Variants in NCOA3 observed in about 807,000 individuals in gnomAD.
NCOA3 encodes the protein CBP-interacting protein.
Under a neutral mutation model 158.8 loss-of-function variants are expected in NCOA3, and 51 were observed. The ratio of observed to expected loss-of-function variants is 0.32; its 90% CI spans 0.26 to 0.41. NCOA3 has a LOEUF of 0.41. NCOA3 is among the 10% of genes least tolerant of loss of function. The pLI, the probability that NCOA3 is intolerant of heterozygous loss-of-function variation, is 1.00. For synonymous variants in NCOA3, 537 were observed against 592.4 expected, an observed-to-expected ratio of 0.91 and a Z score of 1.36; for missense variants, 1,510 against 1,746.6, an observed-to-expected ratio of 0.86 and a Z score of 2.41.
chr20:47,544,577 T>A (rs1268639148), intron 1 of NCOA3, among the ~76,000 whole-genome samples: 1 of 152,088 alleles, frequency 6.6e-6, no homozygotes, highest in Non-Finnish European at 1.5e-5. Flanking sequence ...GCCCCCCCAA[T>A]TTTTTGGTTA....
At chr20:47,646,529 A>C (rs1464630344) in intron 17 of NCOA3, among the ~76,000 whole-genome samples, 1 of 152,220 alleles carries the variant, frequency 6.6e-6, no homozygotes, top group East Asian at 1.9e-4. Context: ...CATAAACAAA[A>C]CCAAAAGTTC....
intron 1 of NCOA3, among the ~76,000 whole-genome samples, chr20:47,530,399 T>G (rs2084525367): frequency 6.6e-6 from 1 of 152,088 alleles, no homozygotes; most frequent in East Asian, 1.9e-4. Flanking sequence ...TGAGACAAAG[T>G]TTTAAAAAGA....
At chr20:47,647,674 G>A (rs939348492) in intron 18 of NCOA3, among the ~76,000 whole-genome samples, 20 of 152,068 alleles carry the variant, frequency 1.3e-4, no homozygotes, top group African/African-American at 3.9e-4. Context: ...AATCCTTACT[G>A]CTAATAACCA....
chr20:47,564,459 A>G (rs1255068179), intron 1 of NCOA3, among the ~76,000 whole-genome samples: 1 of 152,220 alleles, frequency 6.6e-6, no homozygotes, highest in Non-Finnish European at 1.5e-5. Context: ...TTCAACAAAC[A>G]GAACAAACTG....
chr20:47,639,717 C>A lies in NCOA3; in HGVS notation c.2848C>A (p.Pro950Thr). ...RPGGDYNTSLPRPALGGSIPT... is the reference protein window; with the variant it reads ...RPGGDYNTSLTRPALGGSIPT... ...AGGAGGAGATTATAATACTTCTTTACCCAGACCTGCACTGGGTGGCTCTAT... is the reference window on the plus strand; with the variant it reads ...AGGAGGAGATTATAATACTTCTTTAACCAGACCTGCACTGGGTGGCTCTAT... The change falls in exon 15 of 23, where the codon CCC (proline) becomes ACC (threonine). Residue 950 changes from proline (P) to threonine (T), a missense_variant. This residue lies in a region of NCOA3 where 1,017 missense variants were observed against 1,098.3 expected (regional missense o/e 0.93). Coordinates refer to ENST00000371998, the MANE Select transcript of NCOA3 (RefSeq NM_181659.3). 6.2e-7 allele frequency: 1 copy of A among 1,614,126 alleles called. No homozygotes were observed. The highest frequency in any genetic ancestry group is 8.5e-7 in the Non-Finnish European group (1 of 1,180,040).
At chr20:47,547,718 C>A (rs950710417) in intron 1 of NCOA3, among the ~76,000 whole-genome samples, 1 of 149,390 alleles carries the variant, frequency 6.7e-6, no homozygotes, top group African/African-American at 2.5e-5. Context: ...GCGCCCGGCC[C>A]GTTTTGTTAT....
intron 9 of NCOA3, among the ~76,000 whole-genome samples, chr20:47,633,842 A>G (rs1296162204): frequency 2.0e-5 from 3 of 152,172 alleles, no homozygotes; most frequent in Non-Finnish European, 4.4e-5. Context: ...TGGTATACAC[A>G]TGACTGTAGT....
In NCOA3 at chr20:47,582,669, A is replaced by G. The variant is rs72662728; in HGVS notation, c.-98-514A>G. Among the ~76,000 whole-genome samples, 791 of 152,148 alleles carry G rather than the reference A, an allele frequency of 5.2e-3. 6 individuals are homozygous for G. Among genetic ancestry groups the G allele is most frequent in the Non-Finnish European group, 7.6e-3 (518 of 67,994 alleles). On this transcript the variant is annotated intron_variant, in intron 1 of 22. Transcript: ENST00000371998. ...GGCATGAGCCACTGCGCCTGGCCCT[A>G]TGCTTGACTTTTCAAACAGAAGTAG...
intron 12 of NCOA3, 145 bp downstream of exon 12, chr20:47,636,907 G>C (rs894751591): frequency 1.2e-5 from 9 of 751,344 alleles, no homozygotes; most frequent in Non-Finnish European, 1.5e-5. Flanking sequence ...TTGGATGTCA[G>C]TAAAATTATG....
chr20:47,630,355 C>T (rs145348701), intron 8 of NCOA3: 1 of 151,806 alleles, frequency 6.6e-6, no homozygotes. Context: ...GCAGAATTAC[C>T]TTTCACTATG....
At chr20:47,567,169 T>C (rs2085210645) in intron 1 of NCOA3, among the ~76,000 whole-genome samples, 2 of 151,718 alleles carry the variant, frequency 1.3e-5, no homozygotes, top group South Asian at 4.2e-4. Context: ...TGCCTCAGCC[T>C]CCCGAGTAGC....
chr20:47,611,768 G>A (rs1288895150), intron 2 of NCOA3, among the ~76,000 whole-genome samples: 2 of 151,940 alleles, frequency 1.3e-5, no homozygotes, highest in African/African-American at 4.8e-5. Context: ...CTCCAGCCTG[G>A]GTGACAGAGC....
chr20:47,649,815 A>T (rs961250928), intron 19 of NCOA3, among the ~76,000 whole-genome samples: 1 of 152,148 alleles, frequency 6.6e-6, no homozygotes, highest in Non-Finnish European at 1.5e-5. Context: ...CTACAGAAAG[A>T]TGATAAAAGC....
intron 1 of NCOA3, among the ~76,000 whole-genome samples, chr20:47,525,843 A>G (rs2146094061): frequency 1.3e-5 from 1 of 74,684 alleles, no homozygotes; most frequent in East Asian, 4.8e-4. Flanking sequence ...GCGGCCGGGC[A>G]GAGGTGCCCC....
intron 2 of NCOA3, among the ~76,000 whole-genome samples, chr20:47,618,347 A>G (rs373884961): frequency 6.2e-5 from 6 of 96,450 alleles, no homozygotes; most frequent in African/African-American, 2.3e-4. Context: ...ATTTTCCCTT[A>G]GTTTTTTTTT....
At chr20:47,631,721 T>C (rs1458445299) in intron 8 of NCOA3, among the ~76,000 whole-genome samples, 1 of 152,220 alleles carries the variant, frequency 6.6e-6, no homozygotes, top group Admixed American at 6.5e-5. Flanking sequence ...CTCTTGCTTA[T>C]AGTTGTAGGG....
At chr20:47,589,247 T>C (rs989841333) in intron 2 of NCOA3, among the ~76,000 whole-genome samples, 1 of 152,146 alleles carries the variant, frequency 6.6e-6, no homozygotes, top group Non-Finnish European at 1.5e-5. Context: ...CCAGGGCTAT[T>C]TGTAGAAAAG....
rs569620726 is a variant in NCOA3 at position 47,643,378 on chromosome 20, G to A, written c.3252+994G>A. Among the ~76,000 whole-genome samples the A allele has an allele frequency of 3.3e-5, 5 of 152,346 alleles. No homozygotes were observed. The South Asian group carries it at 1.0e-3, about 32-fold the overall frequency. On this transcript the variant is annotated intron_variant, in intron 17 of 22. Coordinates refer to ENST00000371998, the MANE Select transcript of NCOA3 (RefSeq NM_181659.3). ...GCAAATGCTGTCACAGTGCAGATGG[G>A]AAACGCTGAGCAGTCCTTGTGTACA...
rs749582388 is a variant in NCOA3, at chr20:47,621,654, A to ATTTTTTT, written c.-19-564_-19-558dup. Among the ~76,000 whole-genome samples, 22 of 119,786 alleles carry ATTTTTTT rather than the reference A, an allele frequency of 1.8e-4. 6 individuals carry two copies. Among genetic ancestry groups the ATTTTTTT allele is most frequent in the Non-Finnish European group, 2.9e-4 (17 of 59,076 alleles). 78.6% of individuals were successfully genotyped at this position (119,786 alleles called of 152,430 possible). Reference sequence around the variant, plus strand: ...AGCATACTATTTTTCCATCAGTCAAATTTTTTTTTTTTTTTTTGAGACGGA... The same window carrying ATTTTTTT: ...AGCATACTATTTTTCCATCAGTCAAATTTTTTTTTTTTTTTTTTTTTTTTGAGACGGA... On this transcript the variant is annotated intron_variant, in intron 2 of 22. Transcript: ENST00000371998.
Sources: gnomAD v4.1 joint callset for allele counts (sites outside exome capture counted in the v4.1 genomes callset) on GRCh38, gnomAD v4.1.1 for gene constraint, gnomAD v4.1.1 regional missense constraint, MANE v1.5 for transcripts, NCBI Gene and HGNC (gene_info 2026-07-23, HGNC 2026-07-21) for gene names.